ABCC4: variants seen among roughly 807,000 people sequenced by gnomAD.
The protein encoded by ABCC4 is ATP binding cassette subfamily C member 4 (PEL blood group), also known as ATP-binding cassette sub-family C member 4.
In ABCC4, 102 loss-of-function variants were observed where a neutral mutation model predicts 168.5. That is an observed-to-expected ratio of 0.61 (90% confidence interval 0.52 to 0.71). The LOEUF is 0.71. Ranked by LOEUF, ABCC4 falls within the 30% of genes least tolerant of loss-of-function variation. The pLI is 0.00. For synonymous variants in ABCC4, 617 were observed against 590.7 expected, an observed-to-expected ratio of 1.04 and a Z score of -0.65; for missense variants, 1,402 against 1,605.8, an observed-to-expected ratio of 0.87 and a Z score of 2.17.
At chr13:95,075,145 T>G in intron 22 of ABCC4, 1 of 367,388 alleles carries the variant, frequency 2.7e-6, no homozygotes, top group Non-Finnish European at 5.0e-6. Flanking sequence ...ACTTACTAGG[T>G]GGCCTTTTGC....
At chr13:95,155,754 C>A (rs1047571552) in intron 19 of ABCC4, among the ~76,000 whole-genome samples, 2 of 152,164 alleles carry the variant, frequency 1.3e-5, no homozygotes, top group Non-Finnish European at 2.9e-5. Flanking sequence ...CTACCAACAC[C>A]AGCTCTTGGG....
intron 1 of ABCC4, among the ~76,000 whole-genome samples, chr13:95,272,882 C>T (rs1239395963): frequency 6.6e-5 from 10 of 151,664 alleles, no homozygotes; most frequent in Admixed American, 1.3e-4. Flanking sequence ...AGCGAGACTC[C>T]GTCTCAAAAA....
chr13:95,177,633 C>T, intron 13 of ABCC4, 74 bp downstream of exon 13: 1 of 1,256,894 alleles, frequency 8.0e-7, no homozygotes, highest in East Asian at 2.4e-5. Flanking sequence ...AGCTGAAAGC[C>T]ATAAAGGCTT....
At chr13:95,243,466 G>A (rs531119513) in intron 3 of ABCC4, among the ~76,000 whole-genome samples, 2 of 152,160 alleles carry the variant, frequency 1.3e-5, no homozygotes, top group East Asian at 1.9e-4. Flanking sequence ...CTTCCCCCTC[G>A]TCCATCCGAG....
At chr13:95,129,837 G>T (rs1250407902) in intron 19 of ABCC4, among the ~76,000 whole-genome samples, 1 of 152,114 alleles carries the variant, frequency 6.6e-6, no homozygotes, top group Admixed American at 6.5e-5. Context: ...CACTTTGCGA[G>T]GCCAAGGCGG....
intron 19 of ABCC4, among the ~76,000 whole-genome samples, chr13:95,132,471 C>G (rs1480768629): frequency 6.6e-6 from 1 of 152,166 alleles, no homozygotes; most frequent in Non-Finnish European, 1.5e-5. Flanking sequence ...CCCACCTCAG[C>G]CTCCCGAAAT....
chr13:95,223,205 T>C (rs2039353492), intron 4 of ABCC4, among the ~76,000 whole-genome samples: 1 of 152,194 alleles, frequency 6.6e-6, no homozygotes, highest in Non-Finnish European at 1.5e-5. Context: ...TTCAATACTT[T>C]TTAGAATTAT....
intron 4 of ABCC4, among the ~76,000 whole-genome samples, chr13:95,220,464 T>C (rs1280790274): frequency 6.6e-6 from 1 of 152,176 alleles, no homozygotes; most frequent in Non-Finnish European, 1.5e-5. Context: ...TACTGCAAAA[T>C]TCATTCCATC....
chr13:95,189,080 T>C (rs905202212), intron 9 of ABCC4, among the ~76,000 whole-genome samples: 12 of 144,282 alleles, frequency 8.3e-5, no homozygotes, highest in Non-Finnish European at 1.7e-4. Flanking sequence ...GTATGTGTAA[T>C]GTTCCCCTCC....
chr13:95,225,366 G>GA (rs1376640866), intron 4 of ABCC4, among the ~76,000 whole-genome samples: 1 of 152,144 alleles, frequency 6.6e-6, no homozygotes, highest in Non-Finnish European at 1.5e-5. Context: ...AACGGTAAGT[G>GA]AAAATTTAAA....
At chr13:95,164,943 C>T (rs187628981) in intron 15 of ABCC4, among the ~76,000 whole-genome samples, 1 of 152,172 alleles carries the variant, frequency 6.6e-6, no homozygotes, top group Non-Finnish European at 1.5e-5. Context: ...GTGATCCTCT[C>T]ACCTCGGACT....
At chr13:95,232,361 C>T (rs2039646081) in intron 4 of ABCC4, among the ~76,000 whole-genome samples, 1 of 152,054 alleles carries the variant, frequency 6.6e-6, no homozygotes, top group East Asian at 1.9e-4. Flanking sequence ...GGATAAGTGA[C>T]AACGAGGTCA....
At chr13:95,111,574 C>T (rs1362859194) in intron 20 of ABCC4, among the ~76,000 whole-genome samples, 1 of 152,200 alleles carries the variant, frequency 6.6e-6, no homozygotes, top group Non-Finnish European at 1.5e-5. Flanking sequence ...ACATTACCCT[C>T]GCTGCCCCTC....
chr13:95,223,062 CAT>C (rs757495247), intron 4 of ABCC4, among the ~76,000 whole-genome samples: 4 of 152,190 alleles, frequency 2.6e-5, no homozygotes, highest in African/African-American at 4.8e-5. Flanking sequence ...GCAAATGACA[CAT>C]GTTTTGAATC....
chr13:95,025,075 T>C (rs898602409), intron 30 of ABCC4, among the ~76,000 whole-genome samples: 2 of 151,802 alleles, frequency 1.3e-5, no homozygotes, highest in Non-Finnish European at 2.9e-5. Flanking sequence ...CCTATGTACA[T>C]TGGTGAGGTC....
chr13:95,104,001 G>C (rs1405722752), intron 20 of ABCC4, among the ~76,000 whole-genome samples: 3 of 152,176 alleles, frequency 2.0e-5, no homozygotes, highest in Admixed American at 2.0e-4. Context: ...TCCCCAAGCA[G>C]GGCAACAGAC....
At chr13:95,047,926 G>A (rs914768257) in intron 27 of ABCC4, among the ~76,000 whole-genome samples, 1 of 152,126 alleles carries the variant, frequency 6.6e-6, no homozygotes, top group Non-Finnish European at 1.5e-5. Flanking sequence ...CCCTAAGAGG[G>A]TAGGGATTTT....
chr13:95,190,833 G>A (rs1357145359), intron 9 of ABCC4, among the ~76,000 whole-genome samples: 1 of 152,190 alleles, frequency 6.6e-6, no homozygotes, highest in African/African-American at 2.4e-5. Flanking sequence ...ATGTCTGGTG[G>A]GTAGGCATTT....
At chr13:95,270,959 G>A (rs61972757) in intron 1 of ABCC4, among the ~76,000 whole-genome samples, 8,392 of 152,222 alleles carry the variant, frequency 0.055, 278 homozygotes, top group Non-Finnish European at 0.067. Flanking sequence ...GCCTGGCATG[G>A]TGGCAGCCGC....
Sources: gnomAD v4.1 joint callset for allele counts (sites outside exome capture counted in the v4.1 genomes callset) on GRCh38, gnomAD v4.1.1 for gene constraint, MANE v1.5 for transcripts, NCBI Gene and HGNC (gene_info 2026-07-23, HGNC 2026-07-21) for gene names.